The following SSH2 variants were observed in gnomAD, a reference collection of about 807,000 sequenced individuals.
The protein encoded by SSH2 is protein phosphatase Slingshot homolog 2.
In SSH2, 37 loss-of-function variants were observed where a neutral mutation model predicts 135.2. The observed-to-expected ratio is 0.27, with a 90% CI of 0.21 to 0.36. The LOEUF (loss-of-function observed/expected upper bound fraction) is 0.36, where lower values mean the gene tolerates loss of function less well. SSH2 is among the 10% of genes least tolerant of loss of function. The pLI is 1.00. For synonymous variants in SSH2, 628 were observed against 646.2 expected, an observed-to-expected ratio of 0.97 and a Z score of 0.43; for missense variants, 1,408 against 1,765.3, an observed-to-expected ratio of 0.80 and a Z score of 3.63.
intron 3 of SSH2, chr17:29,761,239 G>C: frequency 7.8e-7 from 1 of 1,289,658 alleles, no homozygotes; most frequent in Non-Finnish European, 1.0e-6. Context: ...TGCAAGCGAG[G>C]GGCGCCTTCC....
Position 29,632,578 on chromosome 17 carries a change from C to G in SSH2, c.2616G>C (p.Glu872Asp). 6.2e-7 allele frequency: 1 copy of G among 1,614,222 alleles called. No individual in the cohort carries two copies. The highest frequency in any genetic ancestry group is 8.5e-7 in the Non-Finnish European group (1 of 1,180,044). The change falls in exon 16 of 16, where the codon GAG becomes GAC. Residue 872 changes from glutamate (E) to aspartate (D), a missense_variant. This residue lies in a region of SSH2 where 1,080 missense variants were observed against 1,144.5 expected (regional missense o/e 0.94). Transcript: ENST00000540801. ...CTGAGCCCTGGAGCTCTTGTTCCCC[C>G]TCAGCTGGTTCCCCTTCTTCCAAGT... ...IADLEEGEPA[E>D]GEQELQGSGM...
chr17:29,928,096 AAAAT>A (rs2067100506), intron 1 of SSH2, among the ~76,000 whole-genome samples: 2 of 152,208 alleles, frequency 1.3e-5, no homozygotes. Flanking sequence ...GTGCCCAAGG[AAAAT>A]AAATGTTACT....
chr17:29,684,707 G>T (rs747638749), intron 5 of SSH2, 23 bp from the exon 6 acceptor site: 2 of 1,597,694 alleles, frequency 1.3e-6, no homozygotes, highest in East Asian at 2.2e-5. Flanking sequence ...AGACAACAGA[G>T]AAATTATGAA....
chr17:29,872,957 C>G (rs1567622779), intron 1 of SSH2, among the ~76,000 whole-genome samples: 1 of 151,746 alleles, frequency 6.6e-6, no homozygotes, highest in African/African-American at 2.4e-5. Flanking sequence ...GATCACACCA[C>G]TGCACTCCAG....
intron 11 of SSH2, among the ~76,000 whole-genome samples, chr17:29,665,722 C>T (rs1232733272): frequency 6.6e-6 from 1 of 152,158 alleles, no homozygotes; most frequent in African/African-American, 2.4e-5. Context: ...TTTGTTCCCA[C>T]TAAATGTACA....
At chr17:29,712,768 T>C (rs3102561) in intron 3 of SSH2, among the ~76,000 whole-genome samples, 85,091 of 152,026 alleles carry the variant, frequency 0.56, 24,215 homozygotes, top group East Asian at 0.69. Flanking sequence ...CACGTCACTG[T>C]ACTCCAGCCT....
At chr17:29,805,105 A>T (rs1475063777) in intron 2 of SSH2, among the ~76,000 whole-genome samples, 1 of 151,086 alleles carries the variant, frequency 6.6e-6, no homozygotes, top group Non-Finnish European at 1.5e-5. Context: ...GAACTTTTTT[A>T]GTAACAAAAA....
At chr17:29,912,266 T>C (rs1192295159) in intron 1 of SSH2, among the ~76,000 whole-genome samples, 1 of 152,230 alleles carries the variant, frequency 6.6e-6, no homozygotes, top group African/African-American at 2.4e-5. Context: ...AACAGGAAGA[T>C]ATAAACAACT....
intron 1 of SSH2, among the ~76,000 whole-genome samples, chr17:29,913,345 A>ATATATAT (rs1463500620): frequency 2.7e-5 from 1 of 37,518 alleles, no homozygotes. Flanking sequence ...AAAAAAAAAA[A>ATATATAT]AAATATATAT....
At chr17:29,640,973 T>C (rs2036136785) in intron 14 of SSH2, 1 of 152,172 alleles carries the variant, frequency 6.6e-6, no homozygotes, top group Non-Finnish European at 1.5e-5. Flanking sequence ...CAGAGTGTAA[T>C]GAGTATGCCA....
At chr17:29,709,013 TATAGAG>T (rs1408016516) in intron 3 of SSH2, among the ~76,000 whole-genome samples, 20 of 88,160 alleles carry the variant, frequency 2.3e-4, no homozygotes, top group African/African-American at 6.0e-4. Flanking sequence ...TATATATATA[TATAGAG>T]AGAGAGAGAG....
chr17:29,777,686 TGGTGGTGTTTG>T (rs1310301902), intron 3 of SSH2: 1 of 162,696 alleles, frequency 6.1e-6, no homozygotes, highest in Non-Finnish European at 1.4e-5. Flanking sequence ...GCAGCCTCCT[TGGTGGTGTTTG>T]CAGCCTGTTG....
At chr17:29,877,407 A>G (rs1325864306) in intron 1 of SSH2, among the ~76,000 whole-genome samples, 1 of 152,250 alleles carries the variant, frequency 6.6e-6, no homozygotes, top group African/African-American at 2.4e-5. Flanking sequence ...AGTATATCAC[A>G]GAGGTATCTG....
chr17:29,829,362 A>C (rs1419454036), intron 2 of SSH2, among the ~76,000 whole-genome samples: 1 of 152,176 alleles, frequency 6.6e-6, no homozygotes, highest in Non-Finnish European at 1.5e-5. Flanking sequence ...ATAACACCAT[A>C]CTACTATTCT....
In SSH2 at chr17:29,671,842, C is replaced by A. The variant is rs1281025999; in HGVS notation, c.809+93G>T. ...CTAATATTCCTAGGTAAGATTAACTCCCCAAGAGAAAAGATTAGGGAGGAA... is the reference window on the plus strand; with the variant it reads ...CTAATATTCCTAGGTAAGATTAACTACCCAAGAGAAAAGATTAGGGAGGAA... On this transcript the variant is annotated intron_variant, in intron 9 of 15. Coordinates refer to ENST00000540801, the MANE Select transcript of SSH2 (RefSeq NM_001282129.2). 4 of 1,094,804 alleles carry A rather than the reference C, an allele frequency of 3.7e-6. No individual in the cohort carries two copies. In the African/African-American group the frequency reaches 6.3e-5, roughly 17 times the overall value. 67.8% of individuals were successfully genotyped at this position (1,094,804 alleles called of 1,614,324 possible).
In SSH2 at chr17:29,631,948, T is replaced by G. The variant is rs375031862; in HGVS notation, c.3246A>C (p.Thr1082=). 405 of 1,614,076 alleles carry G rather than the reference T, an allele frequency of 2.5e-4. 1 individual carries two copies. Among genetic ancestry groups the G allele is most frequent in the South Asian group, 3.8e-4 (35 of 91,090 alleles). The change falls in exon 16 of 16, where the codon ACA becomes ACC. Residue 1082 remains threonine, a synonymous_variant. Transcript: ENST00000540801. ...NMEKSVTVLC[T]LDENLNRTLD... ...GAGTCCTGTTTAGATTTTCATCCAG[T>G]GTGCAGAGCACAGTGACAGATTTTT...
At chr17:29,829,204 C>T (rs1286047825) in intron 2 of SSH2, among the ~76,000 whole-genome samples, 1 of 152,160 alleles carries the variant, frequency 6.6e-6, no homozygotes. Flanking sequence ...AGTCGAAGTG[C>T]TCTGCAACCA....
intron 8 of SSH2, among the ~76,000 whole-genome samples, 154 bp from the exon 9 acceptor site, chr17:29,672,283 A>C (rs1024201868): frequency 1.3e-5 from 2 of 152,220 alleles, no homozygotes; most frequent in African/African-American, 4.8e-5. Context: ...AATTCTGATT[A>C]TACCATATTA....
rs752148237 is a variant in SSH2, at chr17:29,718,732, CAAAAAAAAAA to C, written c.189-15680_189-15671del. 5.4e-4 allele frequency among the ~76,000 whole-genome samples: 42 copies of C among 77,334 alleles called. 1 individual carries two copies. The highest frequency in any genetic ancestry group is 3.9e-4 in the Non-Finnish European group (16 of 41,426). The allele number at this position is 77,334 out of a possible 152,430, so 50.7% of individuals were successfully genotyped here. ...TGGGCGACAAAGCAAGATTTCACCT[CAAAAAAAAAA>C]AAAAAAAAAAAAAAAAGAGGCTGCA... On this transcript the variant is annotated intron_variant, in intron 3 of 15. Transcript: ENST00000540801.
Sources: gnomAD v4.1 joint callset for allele counts (sites outside exome capture counted in the v4.1 genomes callset) on GRCh38, gnomAD v4.1.1 for gene constraint, gnomAD v4.1.1 regional missense constraint, MANE v1.5 for transcripts, NCBI Gene and HGNC (gene_info 2026-07-23, HGNC 2026-07-21) for gene names.